Variants in SPINK5 observed in about 807,000 individuals in gnomAD.
SPINK5 encodes serine protease inhibitor Kazal-type 5.
SPINK5 carries 125 observed loss-of-function variants against 151.8 expected under a neutral mutation model. That is an observed-to-expected ratio of 0.82 (90% confidence interval 0.71 to 0.96). SPINK5 has a LOEUF of 0.96. Among genes scored for constraint, SPINK5 ranks in the 40% least tolerant of loss-of-function variants. The pLI is 0.00. For synonymous variants in SPINK5, 374 were observed against 395.3 expected (o/e 0.95, Z 0.64); for missense variants, 1,194 against 1,291.9 (o/e 0.92, Z 1.16).
At chr5:148,086,251 G>A (rs1423246942) in intron 4 of SPINK5, among the ~76,000 whole-genome samples, 154 bp from the exon 5 acceptor site, 1 of 151,674 alleles carries the variant, frequency 6.6e-6, no homozygotes, top group Admixed American at 6.6e-5. Context: ...ATGTTTTATT[G>A]CCCATAAATT....
intron 7 of SPINK5, among the ~76,000 whole-genome samples, chr5:148,090,193 T>A (rs1753272692): frequency 1.3e-5 from 2 of 151,948 alleles, no homozygotes; most frequent in Admixed American, 1.3e-4. Context: ...GTCTTTCATA[T>A]TCTGGCTGTT....
chr5:148,106,473 C>T (rs1238265965), intron 16 of SPINK5, among the ~76,000 whole-genome samples: 1 of 151,970 alleles, frequency 6.6e-6, no homozygotes, highest in Non-Finnish European at 1.5e-5. Context: ...AGGCACACAC[C>T]ACCATGCCTG....
At chr5:148,081,816 T>G (rs1435023646) in intron 4 of SPINK5, among the ~76,000 whole-genome samples, 2 of 151,764 alleles carry the variant, frequency 1.3e-5, no homozygotes, top group African/African-American at 4.8e-5. Flanking sequence ...CATATGATTG[T>G]AACTGCTTTG....
Position 148,133,890 on chromosome 5 carries a change from A to G in SPINK5, c.3186+3A>G. 1 of 1,613,788 alleles carries G rather than the reference A, an allele frequency of 6.2e-7. No individual in the cohort carries two copies. The highest frequency in any genetic ancestry group is 1.1e-5 in the South Asian group (1 of 91,076). ...CCGCAGCCAGCATGCCCCCGTCTGT[A>G]AGTACATAAGTAGACTGGCCTCCAT... On this transcript the variant is annotated splice_donor_region_variant and intron_variant, in intron 32 of 32. Transcript: ENST00000256084.
In SPINK5 at chr5:148,101,873, G is replaced by T. The variant is rs1753655503; in HGVS notation, c.1395G>T (p.Met465Ile). ...NDPIQGPDGK[M>I]HGNTCSMCEA... is the part of the protein sequence containing the mutation. ...CCATCCAGGGCCCAGATGGAAAAAT[G>T]CATGGCAACACCTGCTCCATGTGTG... The change falls in exon 15 of 33, where the codon ATG becomes ATT. Residue 465 changes from methionine (M) to isoleucine (I), a missense_variant. Coordinates refer to ENST00000256084, the MANE Select transcript of SPINK5 (RefSeq NM_006846.4). The T allele has an allele frequency of 8.1e-6, 13 of 1,613,778 alleles. No homozygotes were observed. Among genetic ancestry groups the T allele is most frequent in the Non-Finnish European group, 1.0e-5 (12 of 1,179,762 alleles).
At chr5:148,094,604 T>A (rs1221523947) in intron 9 of SPINK5, 123 bp downstream of exon 9, 1 of 1,508,386 alleles carries the variant, frequency 6.6e-7, no homozygotes, top group Non-Finnish European at 9.1e-7. Flanking sequence ...AGCAGTTTTA[T>A]GCCCTCCACA....
chr5:148,114,262 T>G, intron 20 of SPINK5, 100 bp from the exon 21 acceptor site: 1 of 1,333,418 alleles, frequency 7.5e-7, no homozygotes, highest in Non-Finnish European at 9.9e-7. Context: ...TCAGGTCATT[T>G]TCTCTCTCTT....
At chr5:148,084,413 G>A (rs1038647174) in intron 4 of SPINK5, among the ~76,000 whole-genome samples, 4 of 151,842 alleles carry the variant, frequency 2.6e-5, no homozygotes, top group Admixed American at 6.6e-5. Context: ...ATTAGGAAGA[G>A]GTGTTTTCTG....
chr5:148,099,241 G>GA lies in SPINK5; in HGVS notation c.1022dup (p.Asn341LysfsTer2). On this transcript the variant is annotated frameshift_variant, in exon 12 of 33. Coordinates refer to ENST00000256084, the MANE Select transcript of SPINK5 (RefSeq NM_006846.4). LOFTEE classifies it high-confidence loss of function. Reference sequence around the variant, plus strand: ...TTTTTCCCTCTTATTCAGCCAAGCAGAAAATGAAGAAAAGAAAAAGGCTGA... The same window carrying GA: ...TTTTTCCCTCTTATTCAGCCAAGCAGAAAAATGAAGAAAAGAAAAAGGCTGA... The GA allele has an allele frequency of 6.2e-7, 1 of 1,609,558 alleles. No individual in the cohort carries two copies. The highest frequency in any genetic ancestry group is 1.1e-5 in the South Asian group (1 of 90,360).
At chr5:148,084,706 T>C (rs974275284) in intron 4 of SPINK5, among the ~76,000 whole-genome samples, 1 of 151,916 alleles carries the variant, frequency 6.6e-6, no homozygotes, top group Non-Finnish European at 1.5e-5. Flanking sequence ...TTTTTCTTTA[T>C]GCTTCGGTCA....
chr5:148,100,268 T>C (rs1437681214), intron 12 of SPINK5, among the ~76,000 whole-genome samples, 186 bp from the exon 13 acceptor site: 1 of 152,154 alleles, frequency 6.6e-6, no homozygotes, highest in African/African-American at 2.4e-5. Flanking sequence ...ATGTTTTATT[T>C]TTTCCTATCT....
At position 148,070,387 on chromosome 5, in the gene SPINK5, A is replaced by T. The variant is rs1490557744; in HGVS notation, c.146A>T (p.Lys49Ile). ...AAACTGTTCTGTCCCCAGGATAAGAAATTTTTTCAAAGTCTTGATGGAATA... is the reference window on the plus strand; with the variant it reads ...AAACTGTTCTGTCCCCAGGATAAGATATTTTTTCAAAGTCTTGATGGAATA... ...NGKLFCPQDK[K>I]FFQSLDGIMF... is the part of the protein sequence containing the mutation. Residue 49 changes from lysine (K) to isoleucine (I), a missense_variant, in exon 3 of 33, where the codon AAA (lysine) becomes ATA (isoleucine). By Grantham distance (102) the Lys-to-Ile change is moderately radical. Transcript: ENST00000256084. 6.2e-7 allele frequency: 1 copy of T among 1,612,900 alleles called. No homozygotes were observed. Among genetic ancestry groups the T allele is most frequent in the African/African-American group, 1.3e-5 (1 of 74,962 alleles).
intron 4 of SPINK5, among the ~76,000 whole-genome samples, chr5:148,075,331 G>T (rs951173593): frequency 6.6e-6 from 1 of 150,918 alleles, no homozygotes; most frequent in South Asian, 2.1e-4. Flanking sequence ...AAAATAATTT[G>T]ATTTTTTAGT....
At chr5:148,099,515 A>G (rs1311441269) in intron 12 of SPINK5, among the ~76,000 whole-genome samples, 200 bp downstream of exon 12, 3 of 135,124 alleles carry the variant, frequency 2.2e-5, no homozygotes, top group African/African-American at 5.1e-5. Context: ...AAAAAAAAAA[A>G]AAAATTGTTT....
At position 148,108,912 on chromosome 5, in the gene SPINK5, C is replaced by T. The variant is rs1753850003; in HGVS notation, c.1692+75C>T. On this transcript the variant is annotated intron_variant, in intron 18 of 32. Coordinates refer to ENST00000256084, the MANE Select transcript of SPINK5 (RefSeq NM_006846.4). ...CCCTAGGGAGGGCTCCTATTCCCTC[C>T]TCCTCATTCCAGTATTCTTAGTTTC... 4 of 1,592,972 alleles carry T rather than the reference C, an allele frequency of 2.5e-6. No individual in the cohort carries two copies. In the East Asian group the frequency reaches 9.1e-5, roughly 36 times the overall value.
intron 26 of SPINK5, among the ~76,000 whole-genome samples, chr5:148,121,916 T>G (rs530104074): frequency 2.0e-5 from 3 of 152,054 alleles, no homozygotes; most frequent in South Asian, 4.2e-4. Flanking sequence ...AGCAGTGAGC[T>G]ATGATAGCAT....
At chr5:148,072,318 T>A in intron 4 of SPINK5, 98 bp downstream of exon 4, 1 of 1,305,812 alleles carries the variant, frequency 7.7e-7, no homozygotes, top group Non-Finnish European at 1.1e-6. Context: ...CATACCTGTT[T>A]TGAAGCCAAC....
chr5:148,120,809 C>G (rs776001154), intron 26 of SPINK5, among the ~76,000 whole-genome samples: 2 of 151,962 alleles, frequency 1.3e-5, no homozygotes, highest in African/African-American at 4.8e-5. Context: ...AAATATCAAG[C>G]AATCAGATGC....
chr5:148,107,566 C>T (rs1254039033), intron 17 of SPINK5, among the ~76,000 whole-genome samples: 1 of 151,956 alleles, frequency 6.6e-6, no homozygotes, highest in Non-Finnish European at 1.5e-5. Context: ...TCTGTGGGGT[C>T]AGTACATAAA....
Sources: allele counts gnomAD v4.1 joint callset (sites outside exome capture counted in the v4.1 genomes callset), GRCh38; gene constraint gnomAD v4.1.1; transcripts MANE v1.5; gene names NCBI Gene and HGNC (gene_info 2026-07-23, HGNC 2026-07-21).